The following XRCC3 variants were observed in gnomAD, a reference collection of about 807,000 sequenced individuals.
The protein encoded by XRCC3 is DNA repair protein XRCC3.
In XRCC3, 34 loss-of-function variants were observed where a neutral mutation model predicts 29.2. That is an observed-to-expected ratio of 1.16 (90% confidence interval 0.88 to 1.55). XRCC3 has a LOEUF of 1.55. Ranked by LOEUF, XRCC3 falls within the 40% of genes most tolerant of loss-of-function variation. The pLI, the probability that XRCC3 is intolerant of heterozygous loss-of-function variation, is 0.00. For missense variants in XRCC3, 463 were observed against 467.6 expected (o/e 0.99, Z 0.09); for synonymous variants, 223 against 211.3 (o/e 1.06, Z -0.48).
chr14:103,710,825 G>A (rs1421545307), intron 4 of XRCC3: 3 of 578,224 alleles, frequency 5.2e-6, no homozygotes, highest in Non-Finnish European at 9.3e-6. Context: ...AAAAATAAAA[G>A]TAACTGAAAG....
intron 5 of XRCC3, chr14:103,707,850 C>A (rs146890075): frequency 5.2e-6 from 1 of 191,692 alleles, no homozygotes; most frequent in Non-Finnish European, 1.1e-5. Context: ...CCCTTGGAGT[C>A]TGCACACTGC....
chr14:103,699,355 G>A lies in XRCC3; in HGVS notation c.774+9C>T, dbSNP rs959531828. On this transcript the variant is annotated intron_variant, in intron 8 of 9. Coordinates refer to ENST00000555055, the MANE Select transcript of XRCC3 (RefSeq NM_005432.4). Reference sequence around the variant, plus strand: ...GAGCTCAGGGGTGCAACCCTGCCTTGGTGCTCACCTGGTTGATGCACAGCA... The same window carrying A: ...GAGCTCAGGGGTGCAACCCTGCCTTAGTGCTCACCTGGTTGATGCACAGCA... 6.3e-7 allele frequency: 1 copy of A among 1,596,294 alleles called. No homozygotes were observed.
At position 103,698,955 on chromosome 14, in the gene XRCC3, C is replaced by CT; in HGVS notation, c.883dup (p.Arg295LysfsTer5). On this transcript the variant is annotated frameshift_variant, in exon 10 of 10. Transcript: ENST00000555055. LOFTEE classifies it low-confidence loss of function (END_TRUNC). ...CTCGCGGAGCCGGTCAGCCAGCAGT[C>CT]TCACCAGGAGCTGGTTAGCCCAGGT... The CT allele has an allele frequency of 6.2e-7, 1 of 1,601,150 alleles. No homozygotes were observed. The highest frequency in any genetic ancestry group is 8.5e-7 in the Non-Finnish European group (1 of 1,174,098).
At chr14:103,707,365 G>C in intron 5 of XRCC3, 150 bp from the exon 6 acceptor site, 2 of 987,088 alleles carry the variant, frequency 2.0e-6, no homozygotes, top group African/African-American at 1.6e-5. Flanking sequence ...AGGTGCTGAG[G>C]GCAGGGAGGG....
intron 6 of XRCC3, chr14:103,705,830 G>A (rs1026235699): frequency 5.6e-5 from 9 of 159,868 alleles, no homozygotes; most frequent in Non-Finnish European, 9.7e-5. Flanking sequence ...AGCCTGGCAC[G>A]GAGGACGCTG....
At chr14:103,701,908 G>C (rs1025888947) in intron 7 of XRCC3, 1 of 151,626 alleles carries the variant, frequency 6.6e-6, no homozygotes, top group Non-Finnish European at 1.5e-5. Context: ...GGCCCACCCA[G>C]GAGCTGCTCT....
chr14:103,700,742 C>G, intron 7 of XRCC3: 9 of 1,561,580 alleles, frequency 5.8e-6, no homozygotes, highest in Non-Finnish European at 7.8e-6. Context: ...GTCCCACGGC[C>G]TGCAGCCCCA....
rs746523890 is a variant in XRCC3 at position 103,703,185 on chromosome 14, G to T, written c.549C>A (p.His183Gln). The part of the protein sequence containing the change: ...LRFGSQIFIE[H>Q]VADVDTLLEC... ...CTCCCACACTCACCACATCGGCCAC[G>T]TGCTCGATGAAGATCTGGCTGCCAA... The change falls in exon 7 of 10, where the codon CAC (histidine) becomes CAA (glutamine). Residue 183 changes from histidine to glutamine, a missense_variant. By Grantham distance (24) the His-to-Gln change is conservative. Coordinates refer to ENST00000555055, the MANE Select transcript of XRCC3 (RefSeq NM_005432.4). 2 of 1,571,494 alleles carry T rather than the reference G, an allele frequency of 1.3e-6. No homozygotes were observed. The highest frequency in any genetic ancestry group is 1.4e-5 in the African/African-American group (1 of 74,008).
At chr14:103,702,904 G>C (rs536818560) in intron 7 of XRCC3, 1 of 507,986 alleles carries the variant, frequency 2.0e-6, no homozygotes, top group African/African-American at 1.9e-5. Context: ...CCCAGAGGCC[G>C]TCTGATCCCC....
chr14:103,709,594 A>G (rs1382642754), intron 4 of XRCC3: 1 of 152,276 alleles, frequency 6.6e-6, no homozygotes, highest in Non-Finnish European at 1.5e-5. Flanking sequence ...GAATGAAGAA[A>G]GCGCCCCTGG....
rs746523890 is a variant in XRCC3 at position 103,703,185 on chromosome 14, G to A, written c.549C>T (p.His183=). ...CTCCCACACTCACCACATCGGCCAC[G>A]TGCTCGATGAAGATCTGGCTGCCAA... The part of the protein sequence containing the change: ...LRFGSQIFIE[H]VADVDTLLEC... The change falls in exon 7 of 10, where the codon CAC becomes CAT. Residue 183 remains histidine, a synonymous_variant. Coordinates refer to ENST00000555055, the MANE Select transcript of XRCC3 (RefSeq NM_005432.4). The A allele has an allele frequency of 1.8e-5, 28 of 1,571,374 alleles. 1 individual carries two copies. The highest frequency in any genetic ancestry group is 1.1e-4 in the African/African-American group (8 of 73,886).
At chr14:103,715,005 C>G (rs2083760709) in intron 1 of XRCC3, among the ~76,000 whole-genome samples, 1 of 152,242 alleles carries the variant, frequency 6.6e-6, no homozygotes, top group Non-Finnish European at 1.5e-5. Flanking sequence ...CTTTCCAAAT[C>G]AAAGTATTAA....
At position 103,697,745 on chromosome 14, in the gene XRCC3, C is replaced by A. The variant is rs553300152; in HGVS notation, c.*1053G>T. The A allele has an allele frequency of 1.3e-5, 2 of 152,388 alleles. No homozygotes were observed. The highest frequency in any genetic ancestry group is 3.9e-4 in the East Asian group (2 of 5,192). The allele number at this position is 152,388 out of a possible 1,614,324, so 9.4% of individuals were successfully genotyped here. Reference sequence around the variant, plus strand: ...GGTCACCACTGTGCCCATGGGGAGGCCACGCCACTCTGCCTGCTGGGTGGA... The same window carrying A: ...GGTCACCACTGTGCCCATGGGGAGGACACGCCACTCTGCCTGCTGGGTGGA... On this transcript the variant is annotated 3_prime_UTR_variant, in exon 10 of 10. Coordinates refer to ENST00000555055, the MANE Select transcript of XRCC3 (RefSeq NM_005432.4).
intron 6 of XRCC3, chr14:103,706,343 C>T (rs572091526): frequency 2.4e-3 from 1,076 of 455,980 alleles, no homozygotes; most frequent in Non-Finnish European, 3.8e-3. Context: ...CAGATGTGCT[C>T]GGAGGTGCCA....
chr14:103,700,960 G>T (rs1412473729), intron 7 of XRCC3, among the ~76,000 whole-genome samples: 1 of 152,212 alleles, frequency 6.6e-6, no homozygotes, highest in Non-Finnish European at 1.5e-5. Context: ...AGAAGGCTCT[G>T]TGTCCACACC....
At chr14:103,703,562 C>G in intron 6 of XRCC3, 1 of 561,416 alleles carries the variant, frequency 1.8e-6, no homozygotes, top group Admixed American at 2.8e-5. Context: ...ACTTCTGACA[C>G]CCAGGCAAGG....
chr14:103,713,532 G>C (rs2083703187), intron 1 of XRCC3: 1 of 152,360 alleles, frequency 6.6e-6, no homozygotes, highest in African/African-American at 2.4e-5. Flanking sequence ...AATGACTTCA[G>C]GGGGAGAGCT....
At position 103,711,221 on chromosome 14, in the gene XRCC3, T is replaced by G; in HGVS notation, c.-134A>C. ...ACCAGGGAAGTGACAGCAGCCGAGG[T>G]GTCCGTGTCATCGGGGCTCTGTCAC... On this transcript the variant is annotated 5_prime_UTR_variant, in exon 4 of 10. Transcript: ENST00000555055. 1 of 920,594 alleles carries G rather than the reference T, an allele frequency of 1.1e-6. No homozygotes were observed. The highest frequency in any genetic ancestry group is 1.7e-6 in the Non-Finnish European group (1 of 572,298). 57.0% of individuals were successfully genotyped at this position (920,594 alleles called of 1,614,324 possible). A position where few individuals can be genotyped will look rare whatever the true frequency, so the allele number is the denominator to read the frequency against.
At chr14:103,701,981 G>C (rs2083226850) in intron 7 of XRCC3, 1 of 152,228 alleles carries the variant, frequency 6.6e-6, no homozygotes, top group Admixed American at 6.5e-5. Context: ...GCACAGGGTG[G>C]AATTTCCTTA....
Sources: gnomAD v4.1 joint callset for allele counts (sites outside exome capture counted in the v4.1 genomes callset) on GRCh38, gnomAD v4.1.1 for gene constraint, MANE v1.5 for transcripts, NCBI Gene and HGNC (gene_info 2026-07-23, HGNC 2026-07-21) for gene names.